The following MYO10 variants were observed in gnomAD, a reference collection of about 807,000 sequenced individuals.
MYO10 encodes the protein myosin X.
A neutral mutation model predicts 257.3 loss-of-function variants in MYO10; 133 were observed. That is an observed-to-expected ratio of 0.52 (90% CI 0.45 to 0.60). MYO10 has a LOEUF of 0.60. MYO10 is among the 20% of genes least tolerant of loss of function. The pLI, the probability that MYO10 is intolerant of heterozygous loss-of-function variation, is 0.00. For synonymous variants in MYO10, 1,104 were observed against 1,028.6 expected, an observed-to-expected ratio of 1.07 and a Z score of -1.40; for missense variants, 2,399 against 2,635.7, an observed-to-expected ratio of 0.91 and a Z score of 1.97.
intron 19 of MYO10, among the ~76,000 whole-genome samples, chr5:16,717,274 G>A (rs902192995): frequency 6.6e-6 from 1 of 152,124 alleles, no homozygotes; most frequent in Non-Finnish European, 1.5e-5. Flanking sequence ...TATAAAACTG[G>A]GAAATATTAC....
intron 19 of MYO10, among the ~76,000 whole-genome samples, chr5:16,716,876 C>G (rs908107566): frequency 6.6e-6 from 1 of 152,110 alleles, no homozygotes; most frequent in Non-Finnish European, 1.5e-5. Context: ...TCTTGTCACC[C>G]AGGCTGGAGT....
At chr5:16,809,041 G>T (rs773568144) in intron 3 of MYO10, among the ~76,000 whole-genome samples, 10 of 152,018 alleles carry the variant, frequency 6.6e-5, no homozygotes, top group Non-Finnish European at 4.4e-5. Context: ...GTTTCAAATT[G>T]CCACTCTCAT....
At chr5:16,839,711 C>T (rs939692596) in intron 2 of MYO10, among the ~76,000 whole-genome samples, 72 of 152,160 alleles carry the variant, frequency 4.7e-4, no homozygotes, top group African/African-American at 1.6e-3. Flanking sequence ...ACTGCACTCC[C>T]ACCTGGGTGA....
chr5:16,891,298 A>T (rs1222221103), intron 1 of MYO10, among the ~76,000 whole-genome samples: 1 of 133,966 alleles, frequency 7.5e-6, no homozygotes, highest in Non-Finnish European at 1.6e-5. Flanking sequence ...CCGTCTTGAA[A>T]GAGAGAGAAA....
chr5:16,821,958 A>G (rs981517540), intron 2 of MYO10, among the ~76,000 whole-genome samples: 2 of 144,926 alleles, frequency 1.4e-5, no homozygotes, highest in Non-Finnish European at 3.0e-5. Context: ...ACAGGATTGC[A>G]GCTGCTCAAA....
chr5:16,729,339 T>C (rs1483048115), intron 19 of MYO10, among the ~76,000 whole-genome samples: 1 of 152,204 alleles, frequency 6.6e-6, no homozygotes, highest in Non-Finnish European at 1.5e-5. Flanking sequence ...ATTCAGAAAA[T>C]CTGATATTAC....
intron 3 of MYO10, chr5:16,815,515 A>G (rs1352492681): frequency 1.4e-6 from 1 of 691,676 alleles, no homozygotes. Flanking sequence ...TTCACATTTT[A>G]TCAACTACAA....
intron 19 of MYO10, among the ~76,000 whole-genome samples, chr5:16,747,898 G>A (rs112280748): frequency 0.13 from 14,693 of 110,474 alleles, 2,610 homozygotes; most frequent in African/African-American, 0.41. Flanking sequence ...TAGACTGGGC[G>A]ACAGAGCGAA....
In MYO10 at chr5:16,779,653, A is replaced by G. The variant is rs777395896; in HGVS notation, c.827-5T>C. ...GCGTAGATAAATAAAATTCTTCTACAGAAAGACAAAAACATGATGTCACAG... is the reference window on the plus strand; with the variant it reads ...GCGTAGATAAATAAAATTCTTCTACGGAAAGACAAAAACATGATGTCACAG... On this transcript the variant is annotated splice_polypyrimidine_tract_variant and splice_region_variant and intron_variant, in intron 8 of 40. Coordinates refer to ENST00000513610, the MANE Select transcript of MYO10 (RefSeq NM_012334.3). 4 of 1,548,908 alleles carry G rather than the reference A, an allele frequency of 2.6e-6. No homozygotes were observed.
intron 9 of MYO10, among the ~76,000 whole-genome samples, chr5:16,769,727 A>G (rs1740988889): frequency 1.3e-5 from 2 of 152,194 alleles, no homozygotes; most frequent in South Asian, 4.1e-4. Flanking sequence ...CTCAGAGATA[A>G]TCAATGAAAT....
intron 2 of MYO10, among the ~76,000 whole-genome samples, chr5:16,866,277 T>C (rs777880295): frequency 8.5e-5 from 13 of 152,154 alleles, no homozygotes; most frequent in Admixed American, 7.9e-4. Context: ...GGCAGACTAT[T>C]TTAGGGATAC....
chr5:16,769,064 A>G lies in MYO10; in HGVS notation c.1060+10T>C, dbSNP rs954362486. 6.2e-7 allele frequency: 1 copy of G among 1,605,422 alleles called. No homozygotes were observed. The highest frequency in any genetic ancestry group is 2.2e-5 in the East Asian group (1 of 44,480). Reference sequence around the variant, plus strand: ...AAGGGAGCGAGGAGGGCAGGCAGGCATAATCTTACCTGTTTTGAAGGAAAC... The same window carrying G: ...AAGGGAGCGAGGAGGGCAGGCAGGCGTAATCTTACCTGTTTTGAAGGAAAC... On this transcript the variant is annotated intron_variant, in intron 10 of 40. Coordinates refer to ENST00000513610, the MANE Select transcript of MYO10 (RefSeq NM_012334.3).
Position 16,728,998 on chromosome 5 carries a change from A to G in MYO10, c.1930-17753T>C, listed in dbSNP as rs368422744. 3.9e-4 allele frequency among the ~76,000 whole-genome samples: 59 copies of G among 152,308 alleles called. 1 individual carries two copies. The East Asian group carries it at 0.01, about 27-fold the overall frequency. ...TCTTTTCTTTTAAGCACAGCGTGGA[A>G]GGGGACCCGAGTGGGTTGCCGATTT... On this transcript the variant is annotated intron_variant, in intron 19 of 40. Transcript: ENST00000513610.
chr5:16,902,581 T>C (rs985414569), intron 1 of MYO10: 22 of 1,580,368 alleles, frequency 1.4e-5, no homozygotes, highest in Non-Finnish European at 1.7e-5. Flanking sequence ...GTGCAGCGAA[T>C]AGGCTGCACG....
Position 16,666,718 on chromosome 5 carries a change from C to T in MYO10, c.6151G>A (p.Ala2051Thr), listed in dbSNP as rs755158442. 2.2e-5 allele frequency: 35 copies of T among 1,605,298 alleles called. No homozygotes were observed. Among genetic ancestry groups the T allele is most frequent in the Non-Finnish European group, 2.8e-5 (33 of 1,177,500 alleles). ...VKKRYSTTRSASSQGSSR is the reference protein window; with the variant it reads ...VKKRYSTTRSTSSQGSSR ...CACCTGGAGCTGCCCTGGCTGCTGG[C>T]GGAGCGTGTCGTGCTGTAGCGCTTC... The change falls in exon 41 of 41, where the codon GCC (alanine) becomes ACC (threonine). Residue 2051 changes from alanine (A) to threonine (T), a missense_variant. Coordinates refer to ENST00000513610, the MANE Select transcript of MYO10 (RefSeq NM_012334.3).
At chr5:16,884,231 TA>T (rs1210786915) in intron 1 of MYO10, among the ~76,000 whole-genome samples, 1 of 152,024 alleles carries the variant, frequency 6.6e-6, no homozygotes, top group Non-Finnish European at 1.5e-5. Flanking sequence ...TCTCTTATTT[TA>T]AAAATGCAAA....
intron 1 of MYO10, among the ~76,000 whole-genome samples, chr5:16,908,599 T>A (rs560570153): frequency 6.6e-6 from 1 of 152,172 alleles, no homozygotes; most frequent in East Asian, 1.9e-4. Context: ...TTGGGAAATA[T>A]GCCATGACAC....
Position 16,769,143 on chromosome 5 carries a change from C to A in MYO10, c.991G>T (p.Ala331Ser). ...ATGTTCCCAAGATGCAGTATACCAG[C>A]AAGCAGCCTCGACACTTCCCGAACT... The part of the protein sequence containing the change: ...EEVREVSRLL[A>S]GILHLGNIEF... Residue 331 changes from alanine to serine, a missense_variant, in exon 10 of 41, where the codon GCT becomes TCT. Coordinates refer to ENST00000513610, the MANE Select transcript of MYO10 (RefSeq NM_012334.3). The A allele has an allele frequency of 6.2e-7, 1 of 1,612,732 alleles. No individual in the cohort carries two copies. The highest frequency in any genetic ancestry group is 8.5e-7 in the Non-Finnish European group (1 of 1,179,440).
Position 16,758,103 on chromosome 5 carries a change from G to A in MYO10, c.1848+15C>T, listed in dbSNP as rs370567642. ...AGTAACGACGGATTCCTCTAAGCCA[G>A]CAGTGAAAACGAACCTTGAACTGTG... is the stretch of plus-strand genomic sequence containing the variant. On this transcript the variant is annotated intron_variant, in intron 18 of 40. Coordinates refer to ENST00000513610, the MANE Select transcript of MYO10 (RefSeq NM_012334.3). 6.4e-7 allele frequency: 1 copy of A among 1,556,884 alleles called. No individual in the cohort carries two copies. The highest frequency in any genetic ancestry group is 1.1e-5 in the South Asian group (1 of 89,896).
Sources: gnomAD v4.1 joint callset for allele counts (sites outside exome capture counted in the v4.1 genomes callset) on GRCh38, gnomAD v4.1.1 for gene constraint, MANE v1.5 for transcripts, NCBI Gene and HGNC (gene_info 2026-07-23, HGNC 2026-07-21) for gene names.